Variants in PTPRD observed in about 807,000 individuals in gnomAD.
PTPRD encodes protein tyrosine phosphatase receptor type D.
Under a neutral mutation model 214.5 loss-of-function variants are expected in PTPRD, and 34 were observed. The ratio of observed to expected loss-of-function variants is 0.16; its 90% CI spans 0.12 to 0.21. The LOEUF (loss-of-function observed/expected upper bound fraction) is 0.21, where lower values mean the gene tolerates loss of function less well. Among genes scored for constraint, PTPRD ranks in the 10% least tolerant of loss-of-function variants. PTPRD has a pLI of 1.00. For synonymous variants in PTPRD, 1,128 were observed against 845.7 expected (o/e 1.33, Z -5.79); for missense variants, 2,545 against 2,398.7 (o/e 1.06, Z -1.27).
At chr9:10,550,433 G>C (rs541634885) in intron 2 of PTPRD, among the ~76,000 whole-genome samples, 2 of 152,302 alleles carry the variant, frequency 1.3e-5, no homozygotes, top group African/African-American at 4.8e-5. Context: ...GGAAACAGAA[G>C]TGAGGGAGTA....
chr9:9,943,656 T>A (rs569631579), intron 4 of PTPRD, among the ~76,000 whole-genome samples: 1 of 141,766 alleles, frequency 7.1e-6, no homozygotes, highest in African/African-American at 2.7e-5. Flanking sequence ...AATAAAAGTG[T>A]AGTCATTTCA....
chr9:8,952,975 A>G (rs765253800), intron 11 of PTPRD, among the ~76,000 whole-genome samples: 4 of 152,014 alleles, frequency 2.6e-5, no homozygotes, highest in Non-Finnish European at 5.9e-5. Context: ...CTACTGCAAT[A>G]AAATGTTTGC....
intron 9 of PTPRD, among the ~76,000 whole-genome samples, chr9:9,310,190 T>C (rs1291747500): frequency 6.6e-6 from 1 of 152,132 alleles, no homozygotes; most frequent in African/African-American, 2.4e-5. Context: ...GTTTGTGAAG[T>C]GTGGCTTGGA....
intron 7 of PTPRD, among the ~76,000 whole-genome samples, chr9:9,689,993 T>C (rs559181499): frequency 6.6e-6 from 1 of 151,968 alleles, no homozygotes; most frequent in East Asian, 1.9e-4. Flanking sequence ...TTCTTTTGGA[T>C]GTATATCCAG....
intron 8 of PTPRD, among the ~76,000 whole-genome samples, chr9:9,505,849 T>G (rs2096557896): frequency 6.6e-6 from 1 of 151,508 alleles, no homozygotes. Context: ...TTCGTTTTTC[T>G]TTCTAACATG....
chr9:8,636,589 C>A, intron 13 of PTPRD, 110 bp downstream of exon 13: 2 of 1,340,650 alleles, frequency 1.5e-6, no homozygotes, highest in South Asian at 1.4e-5. Flanking sequence ...GTAAGGAATA[C>A]CATATATCAG....
At chr9:10,256,108 C>CT (rs2093250702) in intron 3 of PTPRD, among the ~76,000 whole-genome samples, 1 of 152,164 alleles carries the variant, frequency 6.6e-6, no homozygotes, top group South Asian at 2.1e-4. Flanking sequence ...AATTTAATGC[C>CT]TGATGATCTG....
At chr9:8,843,497 G>T (rs1336089715) in intron 11 of PTPRD, among the ~76,000 whole-genome samples, 3 of 152,126 alleles carry the variant, frequency 2.0e-5, no homozygotes, top group African/African-American at 7.2e-5. Context: ...GTGCAACACG[G>T]GAAACGTTCT....
At chr9:8,629,809 G>A (rs541639692) in intron 14 of PTPRD, among the ~76,000 whole-genome samples, 2 of 151,690 alleles carry the variant, frequency 1.3e-5, no homozygotes, top group Admixed American at 6.6e-5. Context: ...TACTTCTTTC[G>A]TGAACCACAC....
At chr9:9,685,133 T>C (rs2097144874) in intron 7 of PTPRD, among the ~76,000 whole-genome samples, 1 of 151,434 alleles carries the variant, frequency 6.6e-6, no homozygotes, top group Non-Finnish European at 1.5e-5. Flanking sequence ...ACATTTTTAT[T>C]TTTAAGAAAG....
chr9:10,247,186 T>C (rs2092244951), intron 3 of PTPRD, among the ~76,000 whole-genome samples: 1 of 152,132 alleles, frequency 6.6e-6, no homozygotes, highest in Admixed American at 6.6e-5. Flanking sequence ...TTCATATTAA[T>C]GAGAAACCTA....
intron 3 of PTPRD, among the ~76,000 whole-genome samples, chr9:10,141,685 T>C (rs1205325437): frequency 1.3e-5 from 2 of 152,044 alleles, no homozygotes; most frequent in African/African-American, 4.8e-5. Context: ...CCCAAGGTAA[T>C]TTACAGATTC....
intron 3 of PTPRD, among the ~76,000 whole-genome samples, chr9:10,225,592 G>C (rs2099586221): frequency 1.3e-5 from 2 of 152,118 alleles, no homozygotes; most frequent in African/African-American, 4.8e-5. Context: ...TGCTTATTTG[G>C]TTGGTTGTGC....
chr9:10,328,952 A>G (rs2096699158), intron 3 of PTPRD, among the ~76,000 whole-genome samples: 1 of 151,702 alleles, frequency 6.6e-6, no homozygotes, highest in African/African-American at 2.4e-5. Flanking sequence ...ATATGGCTAC[A>G]CTGTGCAAAA....
intron 2 of PTPRD, among the ~76,000 whole-genome samples, chr9:10,557,807 G>A (rs1038690046): frequency 6.6e-6 from 1 of 152,168 alleles, no homozygotes; most frequent in Non-Finnish European, 1.5e-5. Context: ...GTTTGCAGAA[G>A]AAGTGTTTCA....
At chr9:9,405,929 T>C (rs142868709) in intron 8 of PTPRD, among the ~76,000 whole-genome samples, 23 of 152,130 alleles carry the variant, frequency 1.5e-4, no homozygotes, top group Non-Finnish European at 5.9e-5. Flanking sequence ...TTTGCATATT[T>C]TCTGCATGTT....
intron 9 of PTPRD, among the ~76,000 whole-genome samples, chr9:9,351,609 A>C (rs1016830847): frequency 1.3e-5 from 2 of 152,086 alleles, no homozygotes; most frequent in African/African-American, 4.8e-5. Context: ...TCAGTACAGC[A>C]AACCAAGAAG....
In PTPRD at chr9:9,876,830, A is replaced by G. The variant is rs566832091; in HGVS notation, c.-368+61677T>C. Among the ~76,000 whole-genome samples, 6 of 152,308 alleles carry G rather than the reference A, an allele frequency of 3.9e-5. No homozygotes were observed. The South Asian group carries it at 1.2e-3, about 32-fold the overall frequency. ...AATGACGGCATGCCATGCATTAAGG[A>G]TGACTTTAAGTCATGTTTTTATGAC... On this transcript the variant is annotated intron_variant, in intron 5 of 45. Transcript: ENST00000381196.
intron 4 of PTPRD, among the ~76,000 whole-genome samples, chr9:10,026,621 C>A (rs568761509): frequency 2.4e-4 from 37 of 152,238 alleles, no homozygotes; most frequent in African/African-American, 8.7e-4. Flanking sequence ...CACCTGCCAT[C>A]ACAAGGGGGC....
Sources: gnomAD v4.1 joint callset for allele counts (sites outside exome capture counted in the v4.1 genomes callset) on GRCh38, gnomAD v4.1.1 for gene constraint, MANE v1.5 for transcripts, NCBI Gene and HGNC (gene_info 2026-07-23, HGNC 2026-07-21) for gene names.